The following MED1 variants were observed in gnomAD, a reference collection of about 807,000 sequenced individuals.
MED1 encodes the protein mediator of RNA polymerase II transcription subunit 1.
MED1 carries 17 observed loss-of-function variants against 121.3 expected under a neutral mutation model. That is an observed-to-expected ratio of 0.14 (90% CI 0.10 to 0.21). The LOEUF is 0.21. Among genes scored for constraint, MED1 ranks in the 10% least tolerant of loss-of-function variants. The pLI, the probability that MED1 is intolerant of heterozygous loss-of-function variation, is 1.00. For synonymous variants in MED1, 661 were observed against 694.4 expected, an observed-to-expected ratio of 0.95 and a Z score of 0.76; for missense variants, 1,558 against 1,919.4, an observed-to-expected ratio of 0.81 and a Z score of 3.52.
At chr17:39,412,218 A>ATT (rs1227186097) in intron 16 of MED1, among the ~76,000 whole-genome samples, 2 of 143,470 alleles carry the variant, frequency 1.4e-5, no homozygotes, top group Non-Finnish European at 3.0e-5. Flanking sequence ...ATGTCAGCAA[A>ATT]TTTTTTTTTC....
intron 1 of MED1, among the ~76,000 whole-genome samples, chr17:39,449,424 G>A (rs1290937324): frequency 2.0e-5 from 3 of 151,976 alleles, no homozygotes; most frequent in South Asian, 2.1e-4. Flanking sequence ...CAAGTGATTC[G>A]CCCGCTTCGG....
At position 39,406,988 on chromosome 17, in the gene MED1, A is replaced by G. The variant is rs1436377988; in HGVS notation, c.*487T>C. ...AATGACCAAAGTCCTTCATTTGCCC[A>G]TGACTCAAACGGACAACTACCTCAA... On this transcript the variant is annotated 3_prime_UTR_variant, in exon 17 of 17. Coordinates refer to ENST00000300651, the MANE Select transcript of MED1 (RefSeq NM_004774.4). The G allele has an allele frequency of 1.0e-6, 1 of 986,592 alleles. No individual in the cohort carries two copies. Among genetic ancestry groups the G allele is most frequent in the East Asian group, 1.1e-4 (1 of 8,980 alleles). 61.1% of individuals were successfully genotyped at this position (986,592 alleles called of 1,614,324 possible). A position where few individuals can be genotyped will look rare whatever the true frequency, so the allele number is the denominator to read the frequency against.
Position 39,419,757 on chromosome 17 carries a change from G to T in MED1, c.1257C>A (p.Thr419=). ...NLIRHQVAYN[T]LIGSCVKRTI... is the part of the protein sequence containing the mutation. ...TTCTTTTGACACAGCTTCCAATGAG[G>T]GTGTTATAGGCCACTTGGTGTCTGA... The change falls in exon 14 of 17, where the codon ACC becomes ACA. Residue 419 remains threonine (T), a synonymous_variant. Transcript: ENST00000300651. 1 of 1,613,902 alleles carries T rather than the reference G, an allele frequency of 6.2e-7. No individual in the cohort carries two copies. Among genetic ancestry groups the T allele is most frequent in the Non-Finnish European group, 8.5e-7 (1 of 1,179,876 alleles).
chr17:39,423,520 A>G, intron 12 of MED1, 75 bp from the exon 13 acceptor site: 4 of 1,417,798 alleles, frequency 2.8e-6, no homozygotes, highest in Non-Finnish European at 4.0e-6. Flanking sequence ...CTTGATATCT[A>G]CATTCATTCA....
chr17:39,412,228 CTTTTT>C (rs1163616624), intron 16 of MED1, among the ~76,000 whole-genome samples: 1 of 132,252 alleles, frequency 7.6e-6, no homozygotes, highest in Admixed American at 7.6e-5. Flanking sequence ...ATTTTTTTTT[CTTTTT>C]TTTTTTTTTT....
chr17:39,412,821 C>A (rs773630198), intron 16 of MED1, among the ~76,000 whole-genome samples: 1 of 152,044 alleles, frequency 6.6e-6, no homozygotes, highest in Non-Finnish European at 1.5e-5. Flanking sequence ...CAGGGGTGAC[C>A]CCCGCACCCG....
intron 7 of MED1, among the ~76,000 whole-genome samples, chr17:39,433,760 T>A (rs986837813): frequency 3.9e-5 from 6 of 152,050 alleles, no homozygotes; most frequent in Non-Finnish European, 8.8e-5. Context: ...GGTCTCACTA[T>A]GTTGCCCAGG....
Position 39,432,029 on chromosome 17 carries a change from TG to T in MED1, c.501-14del. 6.3e-7 allele frequency: 1 copy of T among 1,578,726 alleles called. No homozygotes were observed. Among genetic ancestry groups the T allele is most frequent in the Non-Finnish European group, 8.7e-7 (1 of 1,148,356 alleles). The stretch of plus-strand genomic sequence containing the variant: ...AGTCTTCAGTTTGCTGGAGAGTAGA[TG>T]AGAAGAACATGAGTTAATAGTTGAA... On this transcript the variant is annotated splice_polypyrimidine_tract_variant and intron_variant, in intron 7 of 16. Transcript: ENST00000300651.
At chr17:39,431,243 C>A (rs902080211) in intron 8 of MED1, 55 bp from the exon 9 acceptor site, 38 of 1,395,856 alleles carry the variant, frequency 2.7e-5, no homozygotes, top group Non-Finnish European at 1.3e-5. Context: ...GGTCTTGGTA[C>A]ACACTGTGAT....
chr17:39,437,536 A>G (rs779815054), intron 6 of MED1, among the ~76,000 whole-genome samples: 13 of 152,214 alleles, frequency 8.5e-5, no homozygotes, highest in South Asian at 2.1e-4. Flanking sequence ...ACCCGGGAGC[A>G]AAGAATTTTC....
intron 16 of MED1, among the ~76,000 whole-genome samples, chr17:39,413,660 G>A (rs1371121879): frequency 5.3e-5 from 8 of 151,806 alleles, no homozygotes; most frequent in East Asian, 1.9e-4. Context: ...CCTGAACCTC[G>A]GAGGTCAACA....
In MED1 at chr17:39,406,833, AT is replaced by A; in HGVS notation, c.*641del. 1.0e-6 allele frequency: 1 copy of A among 985,514 alleles called. No individual in the cohort carries two copies. Among genetic ancestry groups the A allele is most frequent in the Non-Finnish European group, 1.2e-6 (1 of 829,902 alleles). 61.0% of individuals were successfully genotyped at this position (985,514 alleles called of 1,614,324 possible). A position where few individuals can be genotyped will look rare whatever the true frequency, so the allele number is the denominator to read the frequency against. ...TCATTTTGAACCCTAAACCTCATAG[AT>A]TTAGAACGAAACACTGTATAAAAAC... is the stretch of plus-strand genomic sequence containing the variant. On this transcript the variant is annotated 3_prime_UTR_variant, in exon 17 of 17. Transcript: ENST00000300651.
At chr17:39,429,420 G>A (rs2048543861) in intron 9 of MED1, among the ~76,000 whole-genome samples, 1 of 152,108 alleles carries the variant, frequency 6.6e-6, no homozygotes, top group Non-Finnish European at 1.5e-5. Context: ...AAAAGCCCAG[G>A]CGCAGTGGCT....
At chr17:39,412,228 C>CTTTTTTTTTTTTTTTTTTTTTTTTTTT (rs1163616624) in intron 16 of MED1, among the ~76,000 whole-genome samples, 1 of 132,262 alleles carries the variant, frequency 7.6e-6, no homozygotes. Flanking sequence ...ATTTTTTTTT[C>CTTTTTTTTTTTTTTTTTTTTTTTTTTT]TTTTTTTTTT....
At chr17:39,444,380 G>A (rs772245256) in intron 2 of MED1, among the ~76,000 whole-genome samples, 4 of 151,852 alleles carry the variant, frequency 2.6e-5, no homozygotes, top group South Asian at 2.1e-4. Context: ...GGTGGTGCAC[G>A]CCTATAGTCC....
intron 7 of MED1, among the ~76,000 whole-genome samples, chr17:39,433,549 A>T (rs2048589092): frequency 6.6e-6 from 1 of 150,968 alleles, no homozygotes; most frequent in East Asian, 1.9e-4. Flanking sequence ...ATATATATAC[A>T]CACATATTTT....
chr17:39,450,572 G>T (rs186005157), intron 1 of MED1, among the ~76,000 whole-genome samples: 7 of 152,170 alleles, frequency 4.6e-5, no homozygotes, highest in African/African-American at 1.7e-4. Context: ...GTCAATAAAA[G>T]AACGAAATTC....
Position 39,440,767 on chromosome 17 carries a change from A to C in MED1, c.212-90T>G. On this transcript the variant is annotated intron_variant, in intron 3 of 16. Coordinates refer to ENST00000300651, the MANE Select transcript of MED1 (RefSeq NM_004774.4). The surrounding 1 kb of genome is among the most constrained non-coding windows in gnomAD (Gnocchi z 4.1). ...AGACAGAAAGATTCATCCTTCCAAA[A>C]CCGTAAACATATTCAGTAGTTCAAA... 8.1e-7 allele frequency: 1 copy of C among 1,235,884 alleles called. No homozygotes were observed. Among genetic ancestry groups the C allele is most frequent in the Non-Finnish European group, 1.2e-6 (1 of 859,260 alleles). The allele number at this position is 1,235,884 out of a possible 1,614,324, so 76.6% of individuals were successfully genotyped here. A position where few individuals can be genotyped will look rare whatever the true frequency, so the allele number is the denominator to read the frequency against.
chr17:39,427,104 A>T (rs2144744469), intron 10 of MED1, among the ~76,000 whole-genome samples: 1 of 152,192 alleles, frequency 6.6e-6, no homozygotes, highest in Non-Finnish European at 1.5e-5. Context: ...TTTTTAAACA[A>T]TGAGTAAGCT....
Sources: allele counts gnomAD v4.1 joint callset (sites outside exome capture counted in the v4.1 genomes callset), GRCh38; gene constraint gnomAD v4.1.1; non-coding constraint Gnocchi (gnomAD v3.1); transcripts MANE v1.5; gene names NCBI Gene and HGNC (gene_info 2026-07-23, HGNC 2026-07-21).